The following PARD3 variants were observed in gnomAD, a reference collection of about 807,000 sequenced individuals.
PARD3 encodes the protein par-3 family cell polarity regulator, also known as partitioning defective 3 homolog.
Under a neutral mutation model 155.4 loss-of-function variants are expected in PARD3, and 75 were observed. That is an observed-to-expected ratio of 0.48 (90% CI 0.40 to 0.58). The LOEUF (loss-of-function observed/expected upper bound fraction) is 0.58. Among genes scored for constraint, PARD3 ranks in the 20% least tolerant of loss-of-function variants. The probability of loss-of-function intolerance (pLI) is 0.00; values close to 1 mark genes in which losing one functional copy is unlikely to be tolerated. For missense variants in PARD3, 1,642 were observed against 1,721.7 expected, an observed-to-expected ratio of 0.95 and a Z score of 0.82; for synonymous variants, 576 against 610.5, an observed-to-expected ratio of 0.94 and a Z score of 0.83.
chr10:34,444,494 T>G (rs1401100064), intron 5 of PARD3, among the ~76,000 whole-genome samples: 1 of 152,226 alleles, frequency 6.6e-6, no homozygotes, highest in Admixed American at 6.5e-5. Flanking sequence ...CTAAAAGTGC[T>G]GTTGTTTTTT....
intron 20 of PARD3, among the ~76,000 whole-genome samples, chr10:34,313,863 G>C (rs1397031444): frequency 6.6e-6 from 1 of 152,116 alleles, no homozygotes; most frequent in African/African-American, 2.4e-5. Flanking sequence ...AGACTAAAGA[G>C]AACAAGCTCA....
intron 1 of PARD3, among the ~76,000 whole-genome samples, chr10:34,719,920 G>A (rs1249707303): frequency 6.6e-6 from 1 of 152,182 alleles, no homozygotes; most frequent in South Asian, 2.1e-4. Context: ...TTAGGTGGGT[G>A]TTTGTTTTGA....
chr10:34,273,053 C>G (rs918820903), intron 21 of PARD3, among the ~76,000 whole-genome samples: 9 of 152,086 alleles, frequency 5.9e-5, no homozygotes, highest in African/African-American at 2.2e-4. Context: ...TGGAAAATAG[C>G]CTGGTAGTAT....
intron 1 of PARD3, among the ~76,000 whole-genome samples, chr10:34,801,351 A>G (rs1017812650): frequency 6.6e-6 from 1 of 152,202 alleles, no homozygotes; most frequent in African/African-American, 2.4e-5. Flanking sequence ...CGACTTCCCT[A>G]AATGCATATG....
At chr10:34,643,469 T>A (rs1260345640) in intron 2 of PARD3, among the ~76,000 whole-genome samples, 1 of 152,216 alleles carries the variant, frequency 6.6e-6, no homozygotes, top group Non-Finnish European at 1.5e-5. Flanking sequence ...CATCAAAGCA[T>A]CAATTACTCA....
intron 3 of PARD3, among the ~76,000 whole-genome samples, chr10:34,505,752 T>C (rs190914549): frequency 2.0e-5 from 3 of 152,330 alleles, no homozygotes; most frequent in Admixed American, 2.0e-4. Context: ...ATATTACATA[T>C]GTGTAATGAT....
intron 22 of PARD3, among the ~76,000 whole-genome samples, chr10:34,143,210 CTTGGG>C (rs1346686069): frequency 6.6e-6 from 1 of 152,132 alleles, no homozygotes; most frequent in Non-Finnish European, 1.5e-5. Context: ...GTTCCAGCTA[CTTGGG>C]AAGCTGAATC....
At chr10:34,701,228 T>A (rs1183588255) in intron 1 of PARD3, among the ~76,000 whole-genome samples, 1 of 152,098 alleles carries the variant, frequency 6.6e-6, no homozygotes, top group African/African-American at 2.4e-5. Flanking sequence ...TTCAGAACGC[T>A]GTGAACACAA....
intron 1 of PARD3, among the ~76,000 whole-genome samples, chr10:34,697,738 A>G (rs1055649054): frequency 6.7e-6 from 1 of 149,884 alleles, no homozygotes; most frequent in Non-Finnish European, 1.5e-5. Context: ...TCATTTATCT[A>G]GAACACAGAG....
intron 1 of PARD3, among the ~76,000 whole-genome samples, chr10:34,749,120 A>G (rs910844943): frequency 2.6e-5 from 4 of 152,186 alleles, no homozygotes; most frequent in African/African-American, 7.2e-5. Flanking sequence ...TTCACCCCAT[A>G]TACTTTTGCT....
chr10:34,509,393 T>C (rs2081274080), intron 3 of PARD3, among the ~76,000 whole-genome samples: 1 of 152,148 alleles, frequency 6.6e-6, no homozygotes, highest in Non-Finnish European at 1.5e-5. Context: ...CAATTCTCCA[T>C]GGTCAACAGC....
chr10:34,317,052 A>G (rs1958052441), intron 20 of PARD3, 55 bp downstream of exon 20: 8 of 1,467,782 alleles, frequency 5.5e-6, no homozygotes, highest in Non-Finnish European at 7.2e-6. Context: ...CTTTTTGCTA[A>G]GCTCACACTC....
At chr10:34,393,665 A>G (rs1843050494) in intron 7 of PARD3, among the ~76,000 whole-genome samples, 2 of 151,906 alleles carry the variant, frequency 1.3e-5, no homozygotes, top group Admixed American at 1.3e-4. Context: ...CCAGGGTAGC[A>G]GGATCACTTG....
intron 20 of PARD3, among the ~76,000 whole-genome samples, chr10:34,289,603 G>T (rs900813802): frequency 1.3e-5 from 2 of 152,106 alleles, no homozygotes; most frequent in African/African-American, 4.8e-5. Context: ...GCTGCATTAG[G>T]AGTGAAGGTA....
chr10:34,678,047 G>GT (rs1175008028), intron 2 of PARD3, among the ~76,000 whole-genome samples: 3 of 151,804 alleles, frequency 2.0e-5, no homozygotes, highest in South Asian at 2.1e-4. Context: ...TTTAAAAAAT[G>GT]TTTTTTTAAT....
chr10:34,268,833 T>C (rs1660637), intron 22 of PARD3, among the ~76,000 whole-genome samples: 81,180 of 151,934 alleles, frequency 0.53, 22,162 homozygotes, highest in African/African-American at 0.64. Flanking sequence ...ATGTAAATGA[T>C]GAGTTAATGG....
intron 20 of PARD3, among the ~76,000 whole-genome samples, chr10:34,315,896 T>G (rs1344272872): frequency 1.3e-5 from 2 of 152,196 alleles, no homozygotes; most frequent in East Asian, 3.8e-4. Context: ...AGGCCAGGCT[T>G]TGTGTTAATA....
chr10:34,511,861 G>A (rs576837120), intron 3 of PARD3, among the ~76,000 whole-genome samples: 50 of 152,150 alleles, frequency 3.3e-4, no homozygotes, highest in African/African-American at 1.1e-3. Flanking sequence ...GAGCCACAGC[G>A]AGTGCAGTCA....
chr10:34,163,464 G>A (rs1210603258), intron 22 of PARD3, among the ~76,000 whole-genome samples: 2 of 152,222 alleles, frequency 1.3e-5, no homozygotes, highest in African/African-American at 2.4e-5. Context: ...AAGGAATGTC[G>A]GTTTGGCTGG....
Sources: gnomAD v4.1 joint callset for allele counts (sites outside exome capture counted in the v4.1 genomes callset) on GRCh38, gnomAD v4.1.1 for gene constraint, MANE v1.5 for transcripts, NCBI Gene and HGNC (gene_info 2026-07-23, HGNC 2026-07-21) for gene names.